Variants in PAX3 observed in about 807,000 individuals in gnomAD.
The protein encoded by PAX3 is paired box protein Pax-3.
A neutral mutation model predicts 51.6 loss-of-function variants in PAX3; 14 were observed. That is an observed-to-expected ratio of 0.27 (90% CI 0.18 to 0.42). The LOEUF (loss-of-function observed/expected upper bound fraction) is 0.42. Ranked by LOEUF, PAX3 falls within the 10% of genes least tolerant of loss-of-function variation. The pLI, the probability that PAX3 is intolerant of heterozygous loss-of-function variation, is 1.00. For missense variants in PAX3, 540 were observed against 642.8 expected, an observed-to-expected ratio of 0.84 and a Z score of 1.73; for synonymous variants, 280 against 253.4, an observed-to-expected ratio of 1.11 and a Z score of -1.00.
chr2:222,290,451 G>A (rs1694988471), intron 4 of PAX3, among the ~76,000 whole-genome samples: 1 of 152,162 alleles, frequency 6.6e-6, no homozygotes, highest in African/African-American at 2.4e-5. Flanking sequence ...AGATCTCTTA[G>A]TGGGATCTTT....
At chr2:222,295,159 C>G (rs1202704555) in intron 3 of PAX3, among the ~76,000 whole-genome samples, 1 of 152,150 alleles carries the variant, frequency 6.6e-6, no homozygotes, top group East Asian at 1.9e-4. Context: ...ACGGCAAAGT[C>G]CCTCCCGGCG....
intron 7 of PAX3, among the ~76,000 whole-genome samples, chr2:222,203,381 C>A (rs1029751704): frequency 1.6e-4 from 25 of 151,978 alleles, no homozygotes; most frequent in Non-Finnish European, 1.8e-4. Context: ...AAGAGCCCCC[C>A]CGAAGACACA....
chr2:222,265,846 A>T (rs1694039531), intron 4 of PAX3, among the ~76,000 whole-genome samples: 2 of 152,352 alleles, frequency 1.3e-5, no homozygotes, highest in South Asian at 4.1e-4. Context: ...GAACGGCTAG[A>T]ATTCTTGTTC....
intron 4 of PAX3, among the ~76,000 whole-genome samples, chr2:222,257,793 G>A (rs991325163): frequency 1.3e-5 from 2 of 152,242 alleles, no homozygotes; most frequent in Non-Finnish European, 2.9e-5. Flanking sequence ...GCGCATGGCT[G>A]GGCAGGAAAT....
In PAX3 at chr2:222,220,362, GAA is replaced by G. The variant is rs906829296; in HGVS notation, c.959-10_959-9del. The G allele has an allele frequency of 6.2e-7, 1 of 1,613,284 alleles. No individual in the cohort carries two copies. Among genetic ancestry groups the G allele is most frequent in the African/African-American group, 1.3e-5 (1 of 74,902 alleles). ...TGCTGGGATCTGACACAGCTGAAAT[GAA>G]AAAGATTGTCAACCATCATGTTTTC... On this transcript the variant is annotated splice_polypyrimidine_tract_variant and intron_variant, in intron 6 of 8. Transcript: ENST00000392070.
intron 4 of PAX3, among the ~76,000 whole-genome samples, chr2:222,252,493 CA>C (rs1432641337): frequency 6.6e-6 from 1 of 152,160 alleles, no homozygotes; most frequent in Non-Finnish European, 1.5e-5. Flanking sequence ...CTCTCTCATG[CA>C]GAAGCTTGTG....
chr2:222,279,304 C>CAT (rs139532428), intron 4 of PAX3, among the ~76,000 whole-genome samples: 62 of 148,136 alleles, frequency 4.2e-4, no homozygotes, highest in African/African-American at 1.5e-3. Flanking sequence ...CAAGCCTGTG[C>CAT]GTGTGTGTGT....
chr2:222,288,915 A>G (rs897593898), intron 4 of PAX3, among the ~76,000 whole-genome samples: 1 of 152,216 alleles, frequency 6.6e-6, no homozygotes, highest in Non-Finnish European at 1.5e-5. Context: ...ACCCCTCACA[A>G]TGGAAGATGA....
intron 4 of PAX3, among the ~76,000 whole-genome samples, chr2:222,244,345 T>G (rs1559281285): frequency 6.6e-6 from 1 of 152,166 alleles, no homozygotes; most frequent in Non-Finnish European, 1.5e-5. Flanking sequence ...AGATGGCCCC[T>G]TCCTCTCTGA....
intron 4 of PAX3, among the ~76,000 whole-genome samples, chr2:222,287,867 A>G (rs1017257707): frequency 3.9e-5 from 6 of 152,248 alleles, no homozygotes; most frequent in Non-Finnish European, 8.8e-5. Context: ...AGTAAAAAAT[A>G]AAACAATAAA....
At chr2:222,288,380 A>G (rs1694910566) in intron 4 of PAX3, among the ~76,000 whole-genome samples, 1 of 152,238 alleles carries the variant, frequency 6.6e-6, no homozygotes, top group South Asian at 2.1e-4. Context: ...ACATACACAT[A>G]AACACATATC....
chr2:222,239,635 T>G (rs1692933304), intron 4 of PAX3, among the ~76,000 whole-genome samples: 1 of 152,052 alleles, frequency 6.6e-6, no homozygotes, highest in Admixed American at 6.5e-5. Flanking sequence ...AACCCAGAAC[T>G]AGGGTCCGAG....
At chr2:222,280,130 G>A (rs1024007198) in intron 4 of PAX3, among the ~76,000 whole-genome samples, 2 of 152,076 alleles carry the variant, frequency 1.3e-5, no homozygotes, top group Non-Finnish European at 2.9e-5. Flanking sequence ...AGAATTGCTT[G>A]AACGTGGGAG....
At chr2:222,238,168 T>C (rs1692870376) in intron 4 of PAX3, among the ~76,000 whole-genome samples, 1 of 152,264 alleles carries the variant, frequency 6.6e-6, no homozygotes, top group South Asian at 2.1e-4. Flanking sequence ...AAACTCTTCC[T>C]TCAGAGACAA....
intron 4 of PAX3, among the ~76,000 whole-genome samples, chr2:222,255,826 G>A (rs935653396): frequency 5.5e-5 from 8 of 146,168 alleles, no homozygotes; most frequent in African/African-American, 1.0e-4. Flanking sequence ...CTGTCGCCCA[G>A]GCTGGAGTGC....
At chr2:222,220,903 C>A (rs1428151913) in intron 6 of PAX3, among the ~76,000 whole-genome samples, 1 of 152,128 alleles carries the variant, frequency 6.6e-6, no homozygotes, top group Non-Finnish European at 1.5e-5. Context: ...CATTGAATTC[C>A]AGTTAGTTGC....
At chr2:222,254,277 G>A (rs1392823388) in intron 4 of PAX3, among the ~76,000 whole-genome samples, 2 of 152,106 alleles carry the variant, frequency 1.3e-5, no homozygotes, top group African/African-American at 2.4e-5. Context: ...GGGAAAGGAG[G>A]GTAGCTCTCA....
At chr2:222,289,520 T>G (rs1430233471) in intron 4 of PAX3, among the ~76,000 whole-genome samples, 2 of 152,216 alleles carry the variant, frequency 1.3e-5, no homozygotes, top group Non-Finnish European at 2.9e-5. Context: ...GACTTTTAAA[T>G]GACCCTTCAG....
chr2:222,293,123 C>T (rs978716573), intron 4 of PAX3, among the ~76,000 whole-genome samples: 2 of 152,170 alleles, frequency 1.3e-5, no homozygotes, highest in Non-Finnish European at 2.9e-5. Flanking sequence ...AGCCGCCTGT[C>T]CCTCTGGCAA....
Sources: gnomAD v4.1 joint callset for allele counts (sites outside exome capture counted in the v4.1 genomes callset) on GRCh38, gnomAD v4.1.1 for gene constraint, MANE v1.5 for transcripts, NCBI Gene and HGNC (gene_info 2026-07-23, HGNC 2026-07-21) for gene names.